Variants in GRM7 observed in about 807,000 individuals in gnomAD.
The protein encoded by GRM7 is glutamate metabotropic receptor 7, also known as metabotropic glutamate receptor 7.
GRM7 carries 35 observed loss-of-function variants against 84.5 expected under a neutral mutation model. The observed-to-expected ratio is 0.41, with a 90% CI of 0.32 to 0.55. GRM7 has a LOEUF of 0.55. GRM7 is among the 20% of genes least tolerant of loss of function. GRM7 has a pLI of 0.19. For missense variants in GRM7, 1,003 were observed against 1,194.6 expected (o/e 0.84, Z 2.36); for synonymous variants, 487 against 455.1 (o/e 1.07, Z -0.89).
At chr3:7,697,166 C>A (rs557723244) in intron 9 of GRM7, among the ~76,000 whole-genome samples, 1 of 152,160 alleles carries the variant, frequency 6.6e-6, no homozygotes, top group African/African-American at 2.4e-5. Flanking sequence ...AAAATAGCAT[C>A]AATGAGTTTG....
intron 2 of GRM7, among the ~76,000 whole-genome samples, chr3:7,190,938 C>G (rs2125105361): frequency 6.6e-6 from 1 of 152,188 alleles, no homozygotes; most frequent in South Asian, 2.1e-4. Context: ...AACCACCAAC[C>G]CTTTGGCCTC....
intron 7 of GRM7, among the ~76,000 whole-genome samples, chr3:7,543,735 C>A (rs892410119): frequency 6.6e-6 from 1 of 152,126 alleles, no homozygotes; most frequent in Non-Finnish European, 1.5e-5. Flanking sequence ...ATAGATAGAC[C>A]TTTCCAAAGC....
At chr3:6,885,469 A>C (rs532026985) in intron 1 of GRM7, among the ~76,000 whole-genome samples, 1 of 152,344 alleles carries the variant, frequency 6.6e-6, no homozygotes, top group African/African-American at 2.4e-5. Context: ...TGATAAACCA[A>C]GATGGCACAT....
At chr3:7,049,986 CA>C (rs1376177365) in intron 1 of GRM7, among the ~76,000 whole-genome samples, 1 of 151,792 alleles carries the variant, frequency 6.6e-6, no homozygotes, top group Non-Finnish European at 1.5e-5. Flanking sequence ...GAGCAATAGA[CA>C]GTCATTGTAA....
intron 4 of GRM7, among the ~76,000 whole-genome samples, chr3:7,379,223 C>A (rs541264504): frequency 6.6e-6 from 1 of 152,106 alleles, no homozygotes; most frequent in Non-Finnish European, 1.5e-5. Context: ...TAGGCACCTA[C>A]GGCCATGCCA....
chr3:6,897,060 C>T (rs189237272), intron 1 of GRM7, among the ~76,000 whole-genome samples: 5 of 152,310 alleles, frequency 3.3e-5, no homozygotes, highest in East Asian at 1.9e-4. Context: ...AACACATAGT[C>T]GGTGCTCCTA....
chr3:6,878,375 T>TTGTG (rs1311143544), intron 1 of GRM7, among the ~76,000 whole-genome samples: 8 of 90,658 alleles, frequency 8.8e-5, no homozygotes, highest in Non-Finnish European at 1.5e-4. Flanking sequence ...TTTTATGTGT[T>TTGTG]TGCGTGTGTG....
intron 9 of GRM7, among the ~76,000 whole-genome samples, chr3:7,712,837 C>T (rs1404428354): frequency 6.6e-6 from 1 of 152,124 alleles, no homozygotes; most frequent in Non-Finnish European, 1.5e-5. Context: ...TCCTCTGAAG[C>T]CTGTAGTAGA....
intron 7 of GRM7, among the ~76,000 whole-genome samples, chr3:7,516,054 CTACTTG>C (rs1199363522): frequency 1.3e-5 from 2 of 149,992 alleles, no homozygotes; most frequent in Non-Finnish European, 3.0e-5. Context: ...GTGGTCTCAA[CTACTTG>C]GGATGCTGAG....
intron 4 of GRM7, among the ~76,000 whole-genome samples, chr3:7,365,452 C>G (rs1427536126): frequency 6.6e-6 from 1 of 151,528 alleles, no homozygotes; most frequent in Non-Finnish European, 1.5e-5. Context: ...ATGAAGTGTT[C>G]TCAAATGGTC....
At chr3:7,641,138 G>A (rs1010089208) in intron 8 of GRM7, among the ~76,000 whole-genome samples, 2 of 152,136 alleles carry the variant, frequency 1.3e-5, no homozygotes, top group Non-Finnish European at 2.9e-5. Context: ...TGCAAATGAA[G>A]CAGTAAACTC....
chr3:6,927,231 C>T (rs531023439), intron 1 of GRM7, among the ~76,000 whole-genome samples: 8 of 152,052 alleles, frequency 5.3e-5, no homozygotes, highest in Admixed American at 1.3e-4. Context: ...AGTTTGAGAC[C>T]GGCCTGGCCA....
intron 2 of GRM7, among the ~76,000 whole-genome samples, chr3:7,172,971 A>G (rs1695033965): frequency 6.6e-6 from 1 of 152,136 alleles, no homozygotes; most frequent in Non-Finnish European, 1.5e-5. Context: ...ATGTATGTGT[A>G]TGTGTATATA....
chr3:7,087,366 G>A (rs1179578734), intron 1 of GRM7, among the ~76,000 whole-genome samples: 1 of 147,212 alleles, frequency 6.8e-6, no homozygotes, highest in African/African-American at 2.5e-5. Flanking sequence ...CTAAGTTATT[G>A]TATATTTTCT....
At chr3:7,688,414 C>T (rs941302603) in intron 9 of GRM7, among the ~76,000 whole-genome samples, 2 of 151,998 alleles carry the variant, frequency 1.3e-5, no homozygotes, top group Non-Finnish European at 2.9e-5. Flanking sequence ...TCTATTTCTT[C>T]CCATCTTTAT....
chr3:6,905,301 A>G (rs2125009877), intron 1 of GRM7, among the ~76,000 whole-genome samples: 1 of 152,228 alleles, frequency 6.6e-6, no homozygotes, highest in Middle Eastern at 3.4e-3. Flanking sequence ...TTTGCTAGGA[A>G]GATTTTCTGT....
At chr3:7,408,776 C>A (rs1695791249) in intron 4 of GRM7, among the ~76,000 whole-genome samples, 1 of 152,134 alleles carries the variant, frequency 6.6e-6, no homozygotes, top group Non-Finnish European at 1.5e-5. Flanking sequence ...ACAGCTAGTT[C>A]CTACAACCAT....
intron 1 of GRM7, among the ~76,000 whole-genome samples, chr3:6,895,750 T>A (rs911876623): frequency 1.3e-5 from 2 of 152,206 alleles, no homozygotes; most frequent in Admixed American, 6.6e-5. Context: ...ATTTGAATTG[T>A]AAATACAAGA....
rs190144630 is a variant in GRM7 at position 7,099,326 on chromosome 3, T to A, written c.520-47126T>A. On this transcript the variant is annotated intron_variant, in intron 1 of 9. Transcript: ENST00000357716. ...TACACATGTATTATACATGTATATA[T>A]GTACACATGTATTATACATGTATAT... Among the ~76,000 whole-genome samples, 888 of 146,774 alleles carry A rather than the reference T, an allele frequency of 6.1e-3. 11 individuals carry two copies. Among genetic ancestry groups the A allele is most frequent in the African/African-American group, 0.015 (609 of 39,680 alleles).
Sources: gnomAD v4.1 joint callset for allele counts (sites outside exome capture counted in the v4.1 genomes callset) on GRCh38, gnomAD v4.1.1 for gene constraint, MANE v1.5 for transcripts, NCBI Gene and HGNC (gene_info 2026-07-23, HGNC 2026-07-21) for gene names.